The following LRRTM4 variants were observed in gnomAD, a reference collection of about 807,000 sequenced individuals.
The protein encoded by LRRTM4 is leucine rich repeat transmembrane neuronal 4, also known as leucine-rich repeat transmembrane neuronal protein 4.
In LRRTM4, 25 loss-of-function variants were observed where a neutral mutation model predicts 47.6. The ratio of observed to expected loss-of-function variants is 0.53; its 90% CI spans 0.38 to 0.73. The LOEUF is 0.73. Ranked by LOEUF, LRRTM4 falls within the 30% of genes least tolerant of loss-of-function variation. The pLI is 0.00. For missense variants in LRRTM4, 638 were observed against 713.4 expected, an observed-to-expected ratio of 0.89 and a Z score of 1.20; for synonymous variants, 311 against 269.5, an observed-to-expected ratio of 1.15 and a Z score of -1.51.
intron 3 of LRRTM4, among the ~76,000 whole-genome samples, chr2:77,374,869 G>A (rs1464494341): frequency 2.0e-5 from 3 of 151,506 alleles, no homozygotes; most frequent in African/African-American, 4.8e-5. Flanking sequence ...TGTGAAATGG[G>A]AAAAAGTTAC....
chr2:76,828,333 G>A (rs1049598238), intron 3 of LRRTM4, among the ~76,000 whole-genome samples: 7 of 151,956 alleles, frequency 4.6e-5, no homozygotes, highest in Non-Finnish European at 7.4e-5. Flanking sequence ...TATTTGGGCC[G>A]GAATCCTATA....
intron 3 of LRRTM4, among the ~76,000 whole-genome samples, chr2:76,791,886 A>C (rs569257506): frequency 7.2e-5 from 11 of 152,290 alleles, no homozygotes; most frequent in African/African-American, 2.4e-4. Flanking sequence ...ACCCCAGAGA[A>C]TTTTTGAGGA....
chr2:77,340,340 G>A (rs184498877), intron 3 of LRRTM4, among the ~76,000 whole-genome samples: 209 of 151,750 alleles, frequency 1.4e-3, no homozygotes, highest in African/African-American at 4.9e-3. Flanking sequence ...CACACTCCAA[G>A]TTGGTATTTT....
intron 3 of LRRTM4, among the ~76,000 whole-genome samples, chr2:77,438,305 A>C (rs568454365): frequency 6.6e-6 from 1 of 152,126 alleles, no homozygotes; most frequent in South Asian, 2.1e-4. Context: ...ATATTTTGAA[A>C]ATCATATTTT....
chr2:76,992,276 T>C (rs1273849158), intron 3 of LRRTM4, among the ~76,000 whole-genome samples: 1 of 151,840 alleles, frequency 6.6e-6, no homozygotes, highest in East Asian at 1.9e-4. Context: ...GTACTGGAAG[T>C]GCTAGCCAAA....
intron 3 of LRRTM4, among the ~76,000 whole-genome samples, chr2:77,507,277 T>G (rs1678810880): frequency 6.6e-6 from 1 of 152,154 alleles, no homozygotes; most frequent in African/African-American, 2.4e-5. Context: ...ATATATTTGC[T>G]TATATAATTA....
intron 3 of LRRTM4, among the ~76,000 whole-genome samples, chr2:77,451,404 T>C (rs148407343): frequency 6.6e-6 from 1 of 152,314 alleles, no homozygotes; most frequent in Non-Finnish European, 1.5e-5. Flanking sequence ...TTCTTTCTGA[T>C]GAGCTGGAAA....
rs575330113 is a variant in LRRTM4, at chr2:76,769,547, C to T, written c.1552-20631G>A. 4.7e-4 allele frequency among the ~76,000 whole-genome samples: 72 copies of T among 151,724 alleles called. 1 individual carries two copies. The highest frequency in any genetic ancestry group is 1.4e-3 in the African/African-American group (57 of 41,374). On this transcript the variant is annotated intron_variant, in intron 3 of 3. Transcript: ENST00000409884. ...ACTGAAAAAAAAACAAAAATAATAA[C>T]GAAAACAATAATATGGTTGTTAAAA... is the stretch of plus-strand genomic sequence containing the variant.
rs763779016 is a variant in LRRTM4 at position 76,748,796 on chromosome 2, C to T, written c.1672G>A (p.Asp558Asn). Reference sequence around the variant, plus strand: ...CCCAGCTCCAGGCCGGGGCTTTCGTCCTGCTCTGGAGACACTGTCTCATAG... The same window carrying T: ...CCCAGCTCCAGGCCGGGGCTTTCGTTCTGCTCTGGAGACACTGTCTCATAG... The part of the protein sequence containing the change: ...KGYETVSPEQ[D>N]ESPGLELGRD... The change falls in exon 4 of 4, where the codon GAC (aspartate) becomes AAC (asparagine). Residue 558 changes from aspartate (D) to asparagine (N), a missense_variant. Transcript: ENST00000409884. 7.4e-6 allele frequency: 12 copies of T among 1,614,024 alleles called. No homozygotes were observed. Among genetic ancestry groups the T allele is most frequent in the Non-Finnish European group, 9.3e-6 (11 of 1,179,906 alleles).
intron 3 of LRRTM4, among the ~76,000 whole-genome samples, chr2:77,471,910 G>A (rs926698708): frequency 6.6e-6 from 1 of 152,038 alleles, no homozygotes; most frequent in African/African-American, 2.4e-5. Context: ...TTACAACTTT[G>A]CCTACTCACT....
intron 3 of LRRTM4, among the ~76,000 whole-genome samples, chr2:76,839,450 C>T (rs535511628): frequency 6.6e-6 from 1 of 152,184 alleles, no homozygotes; most frequent in East Asian, 1.9e-4. Context: ...ATTACTTTTG[C>T]TATATAGTAA....
At chr2:77,068,890 CA>C (rs1472685415) in intron 3 of LRRTM4, among the ~76,000 whole-genome samples, 1 of 151,576 alleles carries the variant, frequency 6.6e-6, no homozygotes, top group Non-Finnish European at 1.5e-5. Context: ...CTGGACCTCC[CA>C]GGGGTGAAAA....
At chr2:76,839,436 A>G (rs1193828558) in intron 3 of LRRTM4, among the ~76,000 whole-genome samples, 2 of 152,142 alleles carry the variant, frequency 1.3e-5, no homozygotes, top group Non-Finnish European at 2.9e-5. Context: ...CAAGAAATCA[A>G]TGCATTACTT....
intron 3 of LRRTM4, among the ~76,000 whole-genome samples, chr2:76,783,540 G>C (rs907984687): frequency 1.3e-5 from 2 of 151,916 alleles, no homozygotes; most frequent in Admixed American, 6.6e-5. Flanking sequence ...GTAACTCCCC[G>C]TATTCTCCCT....
At chr2:77,372,136 G>C (rs529527101) in intron 3 of LRRTM4, among the ~76,000 whole-genome samples, 21 of 151,846 alleles carry the variant, frequency 1.4e-4, no homozygotes, top group African/African-American at 3.9e-4. Context: ...TGGCAAACTT[G>C]TCTAACTTTG....
At chr2:77,324,707 T>A (rs1168061168) in intron 3 of LRRTM4, among the ~76,000 whole-genome samples, 1 of 152,192 alleles carries the variant, frequency 6.6e-6, no homozygotes, top group Non-Finnish European at 1.5e-5. Context: ...TTGTTGGCCA[T>A]CTTATAGATT....
intron 3 of LRRTM4, among the ~76,000 whole-genome samples, chr2:77,204,224 A>C (rs1295784056): frequency 6.6e-6 from 1 of 152,152 alleles, no homozygotes; most frequent in African/African-American, 2.4e-5. Context: ...GCCAGGGTGA[A>C]ATACTGTGAG....
At chr2:76,831,324 T>C (rs949704029) in intron 3 of LRRTM4, among the ~76,000 whole-genome samples, 7 of 152,192 alleles carry the variant, frequency 4.6e-5, no homozygotes, top group African/African-American at 1.4e-4. Context: ...TGTAGCTTCA[T>C]TGGTGTGTGT....
chr2:77,411,553 C>T (rs1185568498), intron 3 of LRRTM4, among the ~76,000 whole-genome samples: 2 of 147,468 alleles, frequency 1.4e-5, no homozygotes, highest in South Asian at 2.2e-4. Context: ...CCCGGGTTCA[C>T]GCCATTCTCC....
Sources: gnomAD v4.1 joint callset for allele counts (sites outside exome capture counted in the v4.1 genomes callset) on GRCh38, gnomAD v4.1.1 for gene constraint, MANE v1.5 for transcripts, NCBI Gene and HGNC (gene_info 2026-07-23, HGNC 2026-07-21) for gene names.